Variants in NTNG1 observed in about 807,000 individuals in gnomAD.
NTNG1 encodes the protein netrin G1.
In NTNG1, 16 loss-of-function variants were observed where a neutral mutation model predicts 54.0. The ratio of observed to expected loss-of-function variants is 0.30; its 90% CI spans 0.20 to 0.45. The LOEUF is 0.45. Ranked by LOEUF, NTNG1 falls within the 20% of genes least tolerant of loss-of-function variation. The pLI is 1.00. For missense variants in NTNG1, 530 were observed against 678.7 expected (o/e 0.78, Z 2.43); for synonymous variants, 255 against 263.1 (o/e 0.97, Z 0.30).
chr1:107,336,562 T>C (rs1668592133), intron 3 of NTNG1, among the ~76,000 whole-genome samples: 1 of 151,946 alleles, frequency 6.6e-6, no homozygotes, highest in Non-Finnish European at 1.5e-5. Context: ...ACATTAAATC[T>C]GGCAATAATT....
intron 2 of NTNG1, among the ~76,000 whole-genome samples, chr1:107,308,122 T>C (rs967008736): frequency 1.3e-5 from 2 of 152,122 alleles, no homozygotes; most frequent in Non-Finnish European, 2.9e-5. Context: ...ACTCTACTGA[T>C]AGCTTCTTTG....
rs1002579764 is a variant in NTNG1, at chr1:107,285,468, G to C, written c.247-38814G>C. The stretch of plus-strand genomic sequence containing the variant: ...CTTTCAAAGGCTTGTATTCACACAA[G>C]GATTATTGAGAGCTAAGATGTGCAT... On this transcript the variant is annotated intron_variant, in intron 2 of 7. Transcript: ENST00000370068. Among the ~76,000 whole-genome samples, 4 of 152,028 alleles carry C rather than the reference G, an allele frequency of 2.6e-5. No homozygotes were observed. The East Asian group carries it at 7.7e-4, about 29-fold the overall frequency.
At chr1:107,447,319 G>A (rs1470241530) in intron 7 of NTNG1, among the ~76,000 whole-genome samples, 1 of 152,004 alleles carries the variant, frequency 6.6e-6, no homozygotes, top group Non-Finnish European at 1.5e-5. Flanking sequence ...GACAAAGTTA[G>A]GGAGTTTACA....
chr1:107,429,740 T>C (rs12089521), intron 5 of NTNG1, among the ~76,000 whole-genome samples: 42,545 of 152,074 alleles, frequency 0.28, 6,236 homozygotes, highest in Non-Finnish European at 0.3. Context: ...CCCCACCTAG[T>C]TACCACTCAC....
chr1:107,251,273 T>G (rs1472052900), intron 2 of NTNG1, among the ~76,000 whole-genome samples: 1 of 152,244 alleles, frequency 6.6e-6, no homozygotes. Context: ...AATCTTTCCT[T>G]GATGAGTAAA....
chr1:107,308,438 C>T (rs1009770988), intron 2 of NTNG1, among the ~76,000 whole-genome samples: 1 of 152,018 alleles, frequency 6.6e-6, no homozygotes, highest in Non-Finnish European at 1.5e-5. Context: ...TTTTTGTCAG[C>T]TGTGGCAAAG....
At chr1:107,263,559 A>C (rs1206118462) in intron 2 of NTNG1, among the ~76,000 whole-genome samples, 2 of 152,186 alleles carry the variant, frequency 1.3e-5, no homozygotes, top group Non-Finnish European at 2.9e-5. Context: ...GGAGTGAGGG[A>C]GCTAATGAAT....
intron 7 of NTNG1, among the ~76,000 whole-genome samples, chr1:107,456,398 C>T (rs146955185): frequency 6.6e-6 from 1 of 152,212 alleles, no homozygotes; most frequent in Non-Finnish European, 1.5e-5. Flanking sequence ...GGGATTTGTA[C>T]ACAGCATGAG....
chr1:107,468,811 A>T (rs548242483), intron 7 of NTNG1, among the ~76,000 whole-genome samples: 1 of 151,600 alleles, frequency 6.6e-6, no homozygotes, highest in East Asian at 1.9e-4. Flanking sequence ...GAAAAATGAT[A>T]GGAAGGCCGG....
chr1:107,476,580 A>C (rs1304940788), intron 7 of NTNG1, among the ~76,000 whole-genome samples: 1 of 152,182 alleles, frequency 6.6e-6, no homozygotes, highest in East Asian at 1.9e-4. Flanking sequence ...TACCCCAAAC[A>C]GGAAGCTTAG....
intron 2 of NTNG1, among the ~76,000 whole-genome samples, chr1:107,251,046 G>A (rs1009872203): frequency 8.5e-5 from 13 of 152,166 alleles, no homozygotes; most frequent in African/African-American, 2.9e-4. Flanking sequence ...AGAACAAAAT[G>A]TTGAAAGAAT....
chr1:107,393,229 G>A (rs1360636699), intron 3 of NTNG1, among the ~76,000 whole-genome samples: 2 of 152,218 alleles, frequency 1.3e-5, no homozygotes, highest in East Asian at 3.9e-4. Context: ...GGATCACATT[G>A]TTCAATTTCC....
intron 2 of NTNG1, among the ~76,000 whole-genome samples, chr1:107,163,228 A>G (rs751644379): frequency 1.6e-4 from 25 of 152,176 alleles, no homozygotes; most frequent in African/African-American, 4.6e-4. Context: ...CTGAAGTGCC[A>G]TGTCTAACAT....
At chr1:107,234,235 G>A (rs1337006358) in intron 2 of NTNG1, among the ~76,000 whole-genome samples, 2 of 152,064 alleles carry the variant, frequency 1.3e-5, no homozygotes, top group African/African-American at 2.4e-5. Flanking sequence ...CGATTTTCCT[G>A]CCTCAGTCTC....
At chr1:107,177,523 T>C (rs1008268452) in intron 2 of NTNG1, among the ~76,000 whole-genome samples, 3 of 152,032 alleles carry the variant, frequency 2.0e-5, no homozygotes, top group African/African-American at 7.2e-5. Context: ...TTAGTATAGA[T>C]GGGGTTTCAG....
At chr1:107,239,309 TCATGGATTATATAG>T (rs1661650381) in intron 2 of NTNG1, among the ~76,000 whole-genome samples, 1 of 152,240 alleles carries the variant, frequency 6.6e-6, no homozygotes. Flanking sequence ...AAATCAGTCT[TCATGGATTATATAG>T]CAAGACCCAG....
Position 107,148,829 on chromosome 1 carries a change from T to A in NTNG1, c.236T>A (p.Phe79Tyr). 6.2e-7 allele frequency: 1 copy of A among 1,613,554 alleles called. No individual in the cohort carries two copies. Among genetic ancestry groups the A allele is most frequent in the Non-Finnish European group, 8.5e-7 (1 of 1,179,572 alleles). Residue 79 changes from phenylalanine (F) to tyrosine (Y), a missense_variant, in exon 2 of 8, where the codon TTC becomes TAC. By Grantham distance (22) the Phe-to-Tyr change is conservative. Coordinates refer to ENST00000370068, the MANE Select transcript of NTNG1 (RefSeq NM_001113226.3). ...ACCTGTGGAGACCCTCCTGAGACGT[T>A]CTGTGCAATGGTGAGGTAACCCTTT... The part of the protein sequence containing the change: ...DITCGDPPET[F>Y]CAMGNPYMCN...
At chr1:107,204,064 T>C (rs1185452519) in intron 2 of NTNG1, among the ~76,000 whole-genome samples, 1 of 151,464 alleles carries the variant, frequency 6.6e-6, no homozygotes. Context: ...TTATTGCTTC[T>C]CTGTATCTTT....
At position 107,434,009 on chromosome 1, in the gene NTNG1, A is replaced by G. The variant is rs114013584; in HGVS notation, c.1256-2656A>G. On this transcript the variant is annotated intron_variant, in intron 6 of 7. Coordinates refer to ENST00000370068, the MANE Select transcript of NTNG1 (RefSeq NM_001113226.3). ...AGTTAATCTTAATACCATTTTGTAT[A>G]GAAAGCACTAATGAAAATGAAGGGA... 5.7e-3 allele frequency among the ~76,000 whole-genome samples: 872 copies of G among 152,368 alleles called. 12 individuals carry two copies. The highest frequency in any genetic ancestry group is 0.02 in the African/African-American group (833 of 41,594).
Sources: gnomAD v4.1 joint callset for allele counts (sites outside exome capture counted in the v4.1 genomes callset) on GRCh38, gnomAD v4.1.1 for gene constraint, MANE v1.5 for transcripts, NCBI Gene and HGNC (gene_info 2026-07-23, HGNC 2026-07-21) for gene names.